STXBP4: variants seen among roughly 807,000 people sequenced by gnomAD.
STXBP4 encodes syntaxin binding protein 4.
A neutral mutation model predicts 76.1 loss-of-function variants in STXBP4; 55 were observed. That is an observed-to-expected ratio of 0.72 (90% CI 0.58 to 0.91). STXBP4 has a LOEUF of 0.91. Among genes scored for constraint, STXBP4 ranks in the 40% least tolerant of loss-of-function variants. STXBP4 has a pLI of 0.00. For missense variants in STXBP4, 618 were observed against 636.9 expected (o/e 0.97, Z 0.32); for synonymous variants, 201 against 220.2 (o/e 0.91, Z 0.77).
At chr17:55,075,506 C>A (rs1319053171) in intron 13 of STXBP4, among the ~76,000 whole-genome samples, 3 of 152,044 alleles carry the variant, frequency 2.0e-5, no homozygotes, top group Non-Finnish European at 4.4e-5. Context: ...GTGCATGTAT[C>A]CTGCTCCACA....
At chr17:55,118,392 C>G (rs1240911019) in intron 16 of STXBP4, among the ~76,000 whole-genome samples, 1 of 151,758 alleles carries the variant, frequency 6.6e-6, no homozygotes, top group Non-Finnish European at 1.5e-5. Flanking sequence ...TGAAAGGAGG[C>G]CAGAACAGAT....
intron 1 of STXBP4, among the ~76,000 whole-genome samples, chr17:54,979,781 G>A (rs2077523596): frequency 6.6e-6 from 1 of 152,056 alleles, no homozygotes; most frequent in African/African-American, 2.4e-5. Context: ...GCCTTCACTG[G>A]TATCATACTG....
chr17:55,011,871 C>A (rs895701828), intron 8 of STXBP4, among the ~76,000 whole-genome samples: 5 of 152,108 alleles, frequency 3.3e-5, no homozygotes, highest in African/African-American at 9.7e-5. Flanking sequence ...AACCCAAGTG[C>A]CATTGAGGAG....
chr17:55,032,691 G>A (rs766763939), intron 9 of STXBP4, among the ~76,000 whole-genome samples: 8 of 152,096 alleles, frequency 5.3e-5, no homozygotes, highest in African/African-American at 1.2e-4. Context: ...ACCAGAGATC[G>A]TGGACCTATA....
At chr17:55,027,838 T>C (rs2078442609) in intron 8 of STXBP4, among the ~76,000 whole-genome samples, 1 of 152,214 alleles carries the variant, frequency 6.6e-6, no homozygotes, top group Non-Finnish European at 1.5e-5. Flanking sequence ...TATTGTGATA[T>C]GAATCCAACA....
At chr17:55,199,557 T>C in the STXBP4 span, among the ~76,000 whole-genome samples, 13 of 152,338 alleles carry the variant, frequency 8.5e-5, no homozygotes, top group Admixed American at 4.6e-4. Flanking sequence ...AACCATCTCC[T>C]GTTTTCAATT....
At chr17:54,995,773 C>G (rs996496938) in intron 4 of STXBP4, among the ~76,000 whole-genome samples, 1 of 152,200 alleles carries the variant, frequency 6.6e-6, no homozygotes, top group Non-Finnish European at 1.5e-5. Flanking sequence ...GAAGTAGCAG[C>G]CAAGATGGTT....
At chr17:55,190,457 A>G in the STXBP4 span, among the ~76,000 whole-genome samples, 5 of 152,160 alleles carry the variant, frequency 3.3e-5, no homozygotes, top group African/African-American at 1.2e-4. Flanking sequence ...CCCCACCACC[A>G]CTATTCATAT....
At chr17:55,008,459 A>G (rs976044698) in intron 8 of STXBP4, among the ~76,000 whole-genome samples, 4 of 152,152 alleles carry the variant, frequency 2.6e-5, no homozygotes, top group Non-Finnish European at 4.4e-5. Flanking sequence ...TTTCTCACCC[A>G]TCGGTAGATT....
intron 16 of STXBP4, among the ~76,000 whole-genome samples, chr17:55,105,582 G>C (rs1288711605): frequency 6.7e-6 from 1 of 149,428 alleles, no homozygotes; most frequent in Non-Finnish European, 1.5e-5. Context: ...CCATTCTCCT[G>C]CCTCAGCCTC....
At chr17:55,065,076 G>T (rs1052404036) in intron 12 of STXBP4, among the ~76,000 whole-genome samples, 1 of 152,072 alleles carries the variant, frequency 6.6e-6, no homozygotes, top group Non-Finnish European at 1.5e-5. Flanking sequence ...ATAATATAGG[G>T]TCTGTATGGG....
At chr17:55,087,053 A>T (rs1331078769) in intron 16 of STXBP4, among the ~76,000 whole-genome samples, 1 of 152,032 alleles carries the variant, frequency 6.6e-6, no homozygotes, top group African/African-American at 2.4e-5. Flanking sequence ...GGCCATTTGT[A>T]TGTCTTCTTT....
chr17:55,093,901 A>C (rs1426393308), intron 16 of STXBP4, among the ~76,000 whole-genome samples: 1 of 152,214 alleles, frequency 6.6e-6, no homozygotes, highest in Non-Finnish European at 1.5e-5. Context: ...TGTAGTGGGC[A>C]GAGATGGACA....
chr17:55,203,155 T>C, the STXBP4 span, among the ~76,000 whole-genome samples: 1 of 152,176 alleles, frequency 6.6e-6, no homozygotes, highest in Non-Finnish European at 1.5e-5. Flanking sequence ...ACACCTGTTT[T>C]GCTTTTCCCT....
intron 13 of STXBP4, 61 bp from the exon 14 acceptor site, chr17:55,078,017 A>AG: frequency 1.0e-6 from 1 of 985,402 alleles, no homozygotes; most frequent in Non-Finnish European, 1.5e-6. Context: ...AACTGAAAAT[A>AG]GGGACCAGTA....
chr17:55,182,533 A>C, the STXBP4 span, among the ~76,000 whole-genome samples: 2 of 152,192 alleles, frequency 1.3e-5, no homozygotes, highest in African/African-American at 4.8e-5. Flanking sequence ...ATAATGGGTT[A>C]GAAAAAATAT....
chr17:55,108,088 C>A (rs1456332225), intron 16 of STXBP4, among the ~76,000 whole-genome samples: 4 of 152,238 alleles, frequency 2.6e-5, no homozygotes, highest in Non-Finnish European at 1.5e-5. Context: ...CTGACTGGGG[C>A]TGCTGCCTTT....
At chr17:55,003,573 T>A (rs923662747) in intron 7 of STXBP4, among the ~76,000 whole-genome samples, 1 of 152,196 alleles carries the variant, frequency 6.6e-6, no homozygotes, top group East Asian at 1.9e-4. Flanking sequence ...CCATCACTTC[T>A]AGATTTCTTC....
intron 17 of STXBP4, among the ~76,000 whole-genome samples, chr17:55,156,830 A>G (rs2080282665): frequency 6.6e-6 from 1 of 152,202 alleles, no homozygotes; most frequent in African/African-American, 2.4e-5. Flanking sequence ...TTGTATTTGG[A>G]GTAAGATCAG....
Sources: allele counts gnomAD v4.1 joint callset (sites outside exome capture counted in the v4.1 genomes callset), GRCh38; gene constraint gnomAD v4.1.1; transcripts MANE v1.5; gene names NCBI Gene and HGNC (gene_info 2026-07-23, HGNC 2026-07-21).